CERKL: variants seen among roughly 807,000 people sequenced by gnomAD.
CERKL encodes the protein CERK like autophagy regulator, also known as ceramide kinase-like protein.
CERKL carries 61 observed loss-of-function variants against 63.4 expected under a neutral mutation model. The observed-to-expected ratio is 0.96, with a 90% confidence interval of 0.78 to 1.19. CERKL has a LOEUF of 1.19. Ranked by LOEUF, CERKL falls within the 50% of genes most tolerant of loss-of-function variation. The pLI is 0.00. For synonymous variants in CERKL, 250 were observed against 230.5 expected, an observed-to-expected ratio of 1.08 and a Z score of -0.77; for missense variants, 675 against 655.5, an observed-to-expected ratio of 1.03 and a Z score of -0.33.
At chr2:181,573,727 G>A in intron 3 of CERKL, 26 bp downstream of exon 3, 1 of 1,604,592 alleles carries the variant, frequency 6.2e-7, no homozygotes, top group Admixed American at 1.7e-5. Flanking sequence ...TGTAGATGGT[G>A]AAATTATATT....
At chr2:181,594,205 ACT>A (rs1035318548) in intron 2 of CERKL, among the ~76,000 whole-genome samples, 3 of 152,066 alleles carry the variant, frequency 2.0e-5, no homozygotes, top group African/African-American at 7.2e-5. Flanking sequence ...TATATGTGAA[ACT>A]CTGTTTCAAG....
intron 1 of CERKL, among the ~76,000 whole-genome samples, chr2:181,635,972 T>C (rs1239718742): frequency 6.6e-6 from 1 of 152,166 alleles, no homozygotes; most frequent in Non-Finnish European, 1.5e-5. Context: ...CTATGATTAT[T>C]TTTAAGTAGC....
intron 2 of CERKL, among the ~76,000 whole-genome samples, chr2:181,584,487 G>C (rs1315066528): frequency 6.6e-6 from 1 of 151,782 alleles, no homozygotes; most frequent in Non-Finnish European, 1.5e-5. Flanking sequence ...ACTCCAGCCT[G>C]GACAACAGAG....
At chr2:181,637,016 C>A (rs1416583530) in intron 1 of CERKL, among the ~76,000 whole-genome samples, 1 of 151,978 alleles carries the variant, frequency 6.6e-6, no homozygotes, top group Non-Finnish European at 1.5e-5. Flanking sequence ...ATTGGTGCTC[C>A]CTAAATGTTA....
intron 2 of CERKL, among the ~76,000 whole-genome samples, chr2:181,589,719 A>G (rs905290947): frequency 6.6e-6 from 1 of 152,248 alleles, no homozygotes; most frequent in African/African-American, 2.4e-5. Flanking sequence ...AGAAGAAAAC[A>G]TGGGTGAATT....
At chr2:181,540,388 C>T (rs1451516215) in intron 11 of CERKL, among the ~76,000 whole-genome samples, 1 of 152,172 alleles carries the variant, frequency 6.6e-6, no homozygotes, top group East Asian at 1.9e-4. Context: ...AATTATATTT[C>T]CCTCCACCAC....
At position 181,592,767 on chromosome 2, in the gene CERKL, T is replaced by G. The variant is rs185212852; in HGVS notation, c.481+11070A>C. Among the ~76,000 whole-genome samples, 4 of 152,324 alleles carry G rather than the reference T, an allele frequency of 2.6e-5. No individual in the cohort carries two copies. In the East Asian group the frequency reaches 7.7e-4, roughly 29 times the overall value. On this transcript the variant is annotated intron_variant, in intron 2 of 12. Transcript: ENST00000410087. ...GCTGCATGACCTTATCTGTAAAATG[T>G]AATCATAGTTTCTTGTCTCAGGGAT...
chr2:181,582,538 T>TATATATATATATATATATATATATATATA, intron 2 of CERKL, among the ~76,000 whole-genome samples: 5 of 141,726 alleles, frequency 3.5e-5, no homozygotes, highest in African/African-American at 1.3e-4. Context: ...TATATATATG[T>TATATATATATATATATATATATATATATA]TTTTTTTTTT....
chr2:181,553,785 A>G (rs1217173577), intron 5 of CERKL, among the ~76,000 whole-genome samples: 1 of 152,214 alleles, frequency 6.6e-6, no homozygotes, highest in East Asian at 1.9e-4. Flanking sequence ...AGAAAAAAGG[A>G]AAGTTTATGA....
chr2:181,646,996 C>A (rs1687698177), intron 1 of CERKL, among the ~76,000 whole-genome samples: 2 of 152,118 alleles, frequency 1.3e-5, no homozygotes, highest in African/African-American at 4.8e-5. Context: ...AGGATCAAGG[C>A]AGGGAACTGT....
intron 1 of CERKL, among the ~76,000 whole-genome samples, chr2:181,643,735 ATC>A (rs1417521803): frequency 6.6e-6 from 1 of 152,206 alleles, no homozygotes; most frequent in East Asian, 1.9e-4. Context: ...AGCATTTGGC[ATC>A]TCTGTCACAG....
intron 2 of CERKL, among the ~76,000 whole-genome samples, chr2:181,598,406 A>T (rs186123662): frequency 1.3e-5 from 2 of 152,276 alleles, no homozygotes; most frequent in East Asian, 3.9e-4. Context: ...GGGGTATGAT[A>T]GAAAAGCAGA....
intron 1 of CERKL, among the ~76,000 whole-genome samples, chr2:181,609,230 A>G (rs1007571795): frequency 6.8e-6 from 1 of 147,578 alleles, no homozygotes; most frequent in African/African-American, 2.5e-5. Flanking sequence ...AGCATTAGGT[A>G]TATCTCCCAA....
chr2:181,582,804 A>C (rs903232974), intron 2 of CERKL, among the ~76,000 whole-genome samples: 1 of 152,028 alleles, frequency 6.6e-6, no homozygotes, highest in Non-Finnish European at 1.5e-5. Context: ...TCAGCCTCCT[A>C]AAGTACTGAG....
rs747922398 is a variant in CERKL, at chr2:181,544,803, T to A, written c.1269-7A>T. On this transcript the variant is annotated splice_region_variant and splice_polypyrimidine_tract_variant and intron_variant, in intron 10 of 12. Transcript: ENST00000410087. ...CATACTTCCATTATTTAATCTGAAA[T>A]TAAATATTTCTATTAGACATCAAGA... The A allele has an allele frequency of 6.4e-7, 1 of 1,554,054 alleles. No individual in the cohort carries two copies. Among genetic ancestry groups the A allele is most frequent in the Admixed American group, 1.7e-5 (1 of 58,928 alleles).
At chr2:181,641,750 A>G (rs866029074) in intron 1 of CERKL, among the ~76,000 whole-genome samples, 3 of 152,328 alleles carry the variant, frequency 2.0e-5, no homozygotes, top group Non-Finnish European at 2.9e-5. Flanking sequence ...TATTGAATTC[A>G]AATTAATAAA....
At chr2:181,601,199 C>T (rs1685444830) in intron 2 of CERKL, among the ~76,000 whole-genome samples, 1 of 152,074 alleles carries the variant, frequency 6.6e-6, no homozygotes, top group Non-Finnish European at 1.5e-5. Context: ...TAATGAATAC[C>T]AGAACTACAT....
chr2:181,549,005 TTACCTA>T (rs1296256980), intron 6 of CERKL, 148 bp from the exon 7 acceptor site: 4 of 707,402 alleles, frequency 5.7e-6, no homozygotes, highest in Non-Finnish European at 7.2e-6. Context: ...TCAGTTCCCT[TTACCTA>T]TAACTACAAT....
intron 1 of CERKL, among the ~76,000 whole-genome samples, chr2:181,612,077 T>C (rs1395434356): frequency 6.6e-6 from 1 of 152,222 alleles, no homozygotes; most frequent in South Asian, 2.1e-4. Context: ...AAAAACTAGA[T>C]GCTTTTTCCT....
Sources: allele counts gnomAD v4.1 joint callset (sites outside exome capture counted in the v4.1 genomes callset), GRCh38; gene constraint gnomAD v4.1.1; transcripts MANE v1.5; gene names NCBI Gene and HGNC (gene_info 2026-07-23, HGNC 2026-07-21).